Variants in ERCC6 observed in about 807,000 individuals in gnomAD.
ERCC6 encodes the protein ERCC excision repair 6, chromatin remodeling factor, also known as DNA excision repair protein ERCC-6.
Under a neutral mutation model 158.7 loss-of-function variants are expected in ERCC6, and 116 were observed. That is an observed-to-expected ratio of 0.73 (90% CI 0.63 to 0.85). ERCC6 has a LOEUF of 0.85. Among genes scored for constraint, ERCC6 ranks in the 40% least tolerant of loss-of-function variants. The pLI, the probability that ERCC6 is intolerant of heterozygous loss-of-function variation, is 0.00. For synonymous variants in ERCC6, 678 were observed against 659.3 expected (o/e 1.03, Z -0.43); for missense variants, 1,698 against 1,799.4 (o/e 0.94, Z 1.02).
rs1837492357 is a variant in ERCC6, at chr10:49,532,523, A to C, written c.422+20T>G. The stretch of plus-strand genomic sequence containing the variant: ...ATGTTTTACCACCACTTTGAAAGGA[A>C]GAAGATGGGCTGCACTCACGTGAGG... On this transcript the variant is annotated intron_variant, in intron 2 of 20. Coordinates refer to ENST00000355832, the MANE Select transcript of ERCC6 (RefSeq NM_000124.4). The C allele has an allele frequency of 3.7e-6, 6 of 1,612,724 alleles. No homozygotes were observed. The highest frequency in any genetic ancestry group is 5.1e-6 in the Non-Finnish European group (6 of 1,180,014).
chr10:49,481,303 TTC>T (rs1850974835), intron 10 of ERCC6, among the ~76,000 whole-genome samples: 1 of 152,202 alleles, frequency 6.6e-6, no homozygotes, highest in Non-Finnish European at 1.5e-5. Context: ...TCTTGCAACT[TTC>T]TGTTAAGTTT....
At chr10:49,484,417 A>G (rs1263280875) in intron 8 of ERCC6, among the ~76,000 whole-genome samples, 3 of 152,196 alleles carry the variant, frequency 2.0e-5, no homozygotes, top group Non-Finnish European at 2.9e-5. Flanking sequence ...ATCTGTAGAC[A>G]TATCTTACTA....
downstream of ERCC6, among the ~76,000 whole-genome samples, chr10:49,452,592 C>T (rs904798272): frequency 6.6e-6 from 1 of 152,034 alleles, no homozygotes; most frequent in African/African-American, 2.4e-5. Flanking sequence ...TCTGTTAGGG[C>T]TAGTTGGTTT....
intron 3 of ERCC6, among the ~76,000 whole-genome samples, chr10:49,530,115 A>G (rs1209816050): frequency 6.6e-6 from 1 of 152,120 alleles, no homozygotes; most frequent in African/African-American, 2.4e-5. Flanking sequence ...AGCAGAAAAG[A>G]GTTCACAGGA....
intron 6 of ERCC6, 58 bp from the exon 7 acceptor site, chr10:49,500,754 T>A: frequency 1.3e-6 from 2 of 1,580,138 alleles, no homozygotes; most frequent in Non-Finnish European, 1.7e-6. Flanking sequence ...ATAATACAGA[T>A]CATAACAGAA....
intron 4 of ERCC6, among the ~76,000 whole-genome samples, chr10:49,525,979 T>C (rs547117890): frequency 1.3e-5 from 2 of 151,936 alleles, no homozygotes; most frequent in African/African-American, 4.8e-5. Flanking sequence ...AATGTAGCTG[T>C]AGTTTGTTAA....
chr10:49,438,098 C>T, the ERCC6 span, among the ~76,000 whole-genome samples: 29,673 of 151,522 alleles, frequency 0.2, 3,307 homozygotes, highest in South Asian at 0.34. Flanking sequence ...GCAGATCCAA[C>T]CACACTGCAG....
At chr10:49,535,447 G>A (rs1349986167) in intron 1 of ERCC6, among the ~76,000 whole-genome samples, 2 of 152,190 alleles carry the variant, frequency 1.3e-5, no homozygotes, top group African/African-American at 4.8e-5. Context: ...CAGTGAGAAA[G>A]TTCCTTCTTT....
In ERCC6 at chr10:49,493,013, A is replaced by C. The variant is rs1030233402; in HGVS notation, c.1821+104T>G. 6.6e-6 allele frequency: 8 copies of C among 1,207,282 alleles called. No homozygotes were observed. In the Admixed American group the frequency reaches 8.3e-5, roughly 13 times the overall value. 74.8% of individuals were successfully genotyped at this position (1,207,282 alleles called of 1,614,324 possible). ...ATTAACTTTAAATGCAGGAAAAAAA[A>C]CACAGGAATATACATTTGAGAAACA... On this transcript the variant is annotated intron_variant, in intron 8 of 20. Coordinates refer to ENST00000355832, the MANE Select transcript of ERCC6 (RefSeq NM_000124.4).
At chr10:49,534,539 G>C (rs760952496) in intron 1 of ERCC6, among the ~76,000 whole-genome samples, 5 of 152,138 alleles carry the variant, frequency 3.3e-5, no homozygotes, top group Non-Finnish European at 5.9e-5. Flanking sequence ...TATCTATCCT[G>C]CACACAGAAT....
chr10:49,469,334 C>A (rs1022358989), intron 18 of ERCC6, among the ~76,000 whole-genome samples: 2 of 151,958 alleles, frequency 1.3e-5, no homozygotes, highest in Non-Finnish European at 2.9e-5. Flanking sequence ...CTGATAGATG[C>A]ACTGAGTAAG....
In ERCC6 at chr10:49,458,223, T is replaced by C. The variant is rs1340987856; in HGVS notation, c.*592A>G. The C allele has an allele frequency of 1.3e-5, 2 of 155,126 alleles. No individual in the cohort carries two copies. Among genetic ancestry groups the C allele is most frequent in the African/African-American group, 2.4e-5 (1 of 41,468 alleles). 9.6% of individuals were successfully genotyped at this position (155,126 alleles called of 1,614,324 possible). A position where few individuals can be genotyped will look rare whatever the true frequency, so the allele number is the denominator to read the frequency against. ...TATCATTTATTACCATACTATTTCA[T>C]GCTTTACTAATAAAAATACTCACCA... On this transcript the variant is annotated 3_prime_UTR_variant, in exon 21 of 21. Coordinates refer to ENST00000355832, the MANE Select transcript of ERCC6 (RefSeq NM_000124.4).
At chr10:49,437,959 G>A in the ERCC6 span, among the ~76,000 whole-genome samples, 1 of 152,188 alleles carries the variant, frequency 6.6e-6, no homozygotes, top group African/African-American at 2.4e-5. Flanking sequence ...ACCATTTATG[G>A]ACTACTTGCA....
At chr10:49,483,648 G>A in intron 8 of ERCC6, 132 bp from the exon 9 acceptor site, 1 of 904,084 alleles carries the variant, frequency 1.1e-6, no homozygotes, top group Non-Finnish European at 1.7e-6. Context: ...GACATTATCA[G>A]CACTGGAAGT....
chr10:49,460,140 G>A, intron 20 of ERCC6: 1 of 582,572 alleles, frequency 1.7e-6, no homozygotes, highest in South Asian at 2.0e-5. Flanking sequence ...CCTTCTAATG[G>A]CAAAACAGAA....
the ERCC6 span, among the ~76,000 whole-genome samples, chr10:49,439,522 G>A: frequency 1.1e-4 from 17 of 152,342 alleles, no homozygotes; most frequent in African/African-American, 3.8e-4. Flanking sequence ...GTGATAGGAG[G>A]AGCTGCTGTG....
At chr10:49,534,555 G>C (rs1330485085) in intron 1 of ERCC6, among the ~76,000 whole-genome samples, 2 of 152,234 alleles carry the variant, frequency 1.3e-5, no homozygotes, top group East Asian at 3.9e-4. Context: ...AGAATGATCT[G>C]GCAGGATACA....
At chr10:49,516,288 T>C (rs1836960258) in intron 5 of ERCC6, 1 of 1,614,016 alleles carries the variant, frequency 6.2e-7, no homozygotes, top group African/African-American at 1.3e-5. Flanking sequence ...ACGACCAAAA[T>C]AAGGAACCAT....
At chr10:49,532,088 T>C (rs1418777832) in intron 2 of ERCC6, among the ~76,000 whole-genome samples, 2 of 152,220 alleles carry the variant, frequency 1.3e-5, no homozygotes, top group African/African-American at 4.8e-5. Context: ...GGAGTCTTTA[T>C]TATTTCTAAA....
Sources: gnomAD v4.1 joint callset for allele counts (sites outside exome capture counted in the v4.1 genomes callset) on GRCh38, gnomAD v4.1.1 for gene constraint, MANE v1.5 for transcripts, NCBI Gene and HGNC (gene_info 2026-07-23, HGNC 2026-07-21) for gene names.